HCN1: variants seen among roughly 807,000 people sequenced by gnomAD.
HCN1 encodes the protein hyperpolarization activated cyclic nucleotide gated potassium channel 1, also known as potassium/sodium hyperpolarization-activated cyclic nucleotide-gated channel 1.
Under a neutral mutation model 78.9 loss-of-function variants are expected in HCN1, and 13 were observed. That is an observed-to-expected ratio of 0.16 (90% CI 0.11 to 0.26). The LOEUF (loss-of-function observed/expected upper bound fraction) is 0.26. Among genes scored for constraint, HCN1 ranks in the 10% least tolerant of loss-of-function variants. The pLI is 1.00. For synonymous variants in HCN1, 552 were observed against 455.5 expected (o/e 1.21, Z -2.70); for missense variants, 810 against 1,154.3 (o/e 0.70, Z 4.32).
At chr5:45,590,942 C>A (rs1744346987) in intron 2 of HCN1, among the ~76,000 whole-genome samples, 1 of 152,098 alleles carries the variant, frequency 6.6e-6, no homozygotes, top group Admixed American at 6.5e-5. Flanking sequence ...AACAATCCTC[C>A]CACCTCAGTC....
At chr5:45,485,057 T>C (rs984443443) in intron 2 of HCN1, among the ~76,000 whole-genome samples, 9 of 152,196 alleles carry the variant, frequency 5.9e-5, no homozygotes, top group Non-Finnish European at 1.2e-4. Flanking sequence ...TATGCCCTAA[T>C]TTCCTGATAG....
At chr5:45,403,447 C>T (rs1739862393) in intron 3 of HCN1, among the ~76,000 whole-genome samples, 1 of 152,100 alleles carries the variant, frequency 6.6e-6, no homozygotes, top group Admixed American at 6.6e-5. Context: ...GAAACATAAC[C>T]ATGGCAGAAG....
At chr5:45,289,120 A>T (rs1250472919) in intron 6 of HCN1, among the ~76,000 whole-genome samples, 1 of 152,076 alleles carries the variant, frequency 6.6e-6, no homozygotes, top group Non-Finnish European at 1.5e-5. Flanking sequence ...CCTCACAATG[A>T]TAAAAAGCCC....
chr5:45,585,092 G>A (rs1237845797), intron 2 of HCN1, among the ~76,000 whole-genome samples: 1 of 152,176 alleles, frequency 6.6e-6, no homozygotes, highest in Non-Finnish European at 1.5e-5. Context: ...CTATGTTGCG[G>A]AAGTTCTCCT....
chr5:45,550,325 T>G (rs1579963815), intron 2 of HCN1, among the ~76,000 whole-genome samples: 1 of 152,004 alleles, frequency 6.6e-6, no homozygotes, highest in African/African-American at 2.4e-5. Flanking sequence ...CCATAAAAAA[T>G]GATGAGTTCA....
chr5:45,690,214 A>T (rs1467894858), intron 1 of HCN1, among the ~76,000 whole-genome samples: 1 of 152,108 alleles, frequency 6.6e-6, no homozygotes, highest in African/African-American at 2.4e-5. Flanking sequence ...AGTGACCTGA[A>T]AATAAAATTA....
At chr5:45,340,365 T>C (rs770368000) in intron 5 of HCN1, among the ~76,000 whole-genome samples, 17 of 152,232 alleles carry the variant, frequency 1.1e-4, no homozygotes, top group Non-Finnish European at 2.4e-4. Flanking sequence ...TCAGTTGTGC[T>C]GTTGTCTTTC....
At chr5:45,326,879 G>A (rs1390985464) in intron 5 of HCN1, among the ~76,000 whole-genome samples, 1 of 151,474 alleles carries the variant, frequency 6.6e-6, no homozygotes, top group East Asian at 1.9e-4. Flanking sequence ...TAGAACATAG[G>A]GACATACTGT....
At chr5:45,365,639 T>G (rs1236400753) in intron 4 of HCN1, among the ~76,000 whole-genome samples, 1 of 151,978 alleles carries the variant, frequency 6.6e-6, no homozygotes, top group Admixed American at 6.6e-5. Context: ...CGAATAGGGC[T>G]GTGATAAATA....
At chr5:45,559,770 A>C (rs1410072329) in intron 2 of HCN1, 1 of 152,228 alleles carries the variant, frequency 6.6e-6, no homozygotes, top group Non-Finnish European at 1.5e-5. Flanking sequence ...ACTGACTTCA[A>C]TTTTGAGAGA....
intron 2 of HCN1, among the ~76,000 whole-genome samples, chr5:45,555,187 AG>A (rs1440332898): frequency 1.3e-5 from 2 of 152,028 alleles, no homozygotes; most frequent in East Asian, 3.9e-4. Context: ...TGATAATTTC[AG>A]TATAGATGCA....
At chr5:45,413,433 G>T (rs968896869) in intron 3 of HCN1, among the ~76,000 whole-genome samples, 1 of 152,000 alleles carries the variant, frequency 6.6e-6, no homozygotes, top group East Asian at 1.9e-4. Flanking sequence ...ATAGCAATAC[G>T]GTTATTATTA....
chr5:45,315,897 G>A (rs540980990), intron 5 of HCN1, among the ~76,000 whole-genome samples: 6 of 152,144 alleles, frequency 3.9e-5, no homozygotes, highest in Admixed American at 1.3e-4. Context: ...ACCAATAACA[G>A]GCTCTGAAGT....
At chr5:45,551,180 C>T (rs912228272) in intron 2 of HCN1, among the ~76,000 whole-genome samples, 1 of 151,932 alleles carries the variant, frequency 6.6e-6, no homozygotes, top group Non-Finnish European at 1.5e-5. Flanking sequence ...CAGTGATACG[C>T]ATGTCTGATT....
At chr5:45,377,321 T>G (rs1747703239) in intron 4 of HCN1, among the ~76,000 whole-genome samples, 1 of 152,016 alleles carries the variant, frequency 6.6e-6, no homozygotes, top group Non-Finnish European at 1.5e-5. Context: ...ACATTTGTCT[T>G]GAGACCTAAT....
chr5:45,356,016 A>C (rs1747001019), intron 4 of HCN1, among the ~76,000 whole-genome samples: 1 of 152,018 alleles, frequency 6.6e-6, no homozygotes, highest in Non-Finnish European at 1.5e-5. Context: ...AGAATGTATG[A>C]AAATATCACT....
Position 45,262,149 on chromosome 5 carries a change from G to C in HCN1, c.2445C>G (p.Ile815Met). ...HPTVGESLASIPQPVTAVPGT... is the reference protein window; with the variant it reads ...HPTVGESLASMPQPVTAVPGT... ...CGGGGACCGCCGTCACGGGTTGAGG[G>C]ATGGAGGCCAGGGACTCGCCCACAG... The change falls in exon 8 of 8, where the codon ATC (isoleucine) becomes ATG (methionine). Residue 815 changes from isoleucine (I) to methionine (M), a missense_variant. Physicochemically the swap from Ile to Met is conservative, Grantham distance 10. This residue lies in a region of HCN1 where 398 missense variants were observed against 381.3 expected (regional missense o/e 1.04). Coordinates refer to ENST00000303230, the MANE Select transcript of HCN1 (RefSeq NM_021072.4). 1 of 1,613,770 alleles carries C rather than the reference G, an allele frequency of 6.2e-7. No homozygotes were observed. Among genetic ancestry groups the C allele is most frequent in the Non-Finnish European group, 8.5e-7 (1 of 1,179,884 alleles).
Position 45,302,428 on chromosome 5 carries a change from T to G in HCN1, c.1618+1171A>C, listed in dbSNP as rs187893943. On this transcript the variant is annotated intron_variant, in intron 6 of 7. Transcript: ENST00000303230. ...TCTCTATTCTTTATAAATTACACGG[T>G]CTCAGGTATTTACAGTAGTGTGAAA... is the stretch of plus-strand genomic sequence containing the variant. Among the ~76,000 whole-genome samples, 291 of 152,086 alleles carry G rather than the reference T, an allele frequency of 1.9e-3. 3 individuals carry two copies. The highest frequency in any genetic ancestry group is 6.8e-3 in the African/African-American group (281 of 41,524).
intron 1 of HCN1, among the ~76,000 whole-genome samples, chr5:45,653,878 C>A (rs534180969): frequency 2.6e-5 from 4 of 151,976 alleles, no homozygotes; most frequent in African/African-American, 9.6e-5. Flanking sequence ...ATGTAACTAA[C>A]CTGCACATTG....
Sources: gnomAD v4.1 joint callset for allele counts (sites outside exome capture counted in the v4.1 genomes callset) on GRCh38, gnomAD v4.1.1 for gene constraint, gnomAD v4.1.1 regional missense constraint, MANE v1.5 for transcripts, NCBI Gene and HGNC (gene_info 2026-07-23, HGNC 2026-07-21) for gene names.